The following TMPRSS9 variants were observed in gnomAD, a reference collection of about 807,000 sequenced individuals.
The protein encoded by TMPRSS9 is transmembrane protease serine 9.
TMPRSS9 carries 113 observed loss-of-function variants against 111.4 expected under a neutral mutation model. The ratio of observed to expected loss-of-function variants is 1.01; its 90% confidence interval spans 0.87 to 1.19. The LOEUF (loss-of-function observed/expected upper bound fraction) is 1.19. Ranked by LOEUF, TMPRSS9 falls within the 50% of genes most tolerant of loss-of-function variation. The probability of loss-of-function intolerance (pLI) is 0.00; values close to 1 mark genes in which losing one functional copy is unlikely to be tolerated. For synonymous variants in TMPRSS9, 805 were observed against 659.1 expected, an observed-to-expected ratio of 1.22 and a Z score of -3.39; for missense variants, 1,803 against 1,513.1, an observed-to-expected ratio of 1.19 and a Z score of -3.18.
chr19:2,417,432 C>T (rs1051489759), intron 12 of TMPRSS9, among the ~76,000 whole-genome samples: 1 of 149,634 alleles, frequency 6.7e-6, no homozygotes, highest in African/African-American at 2.5e-5. Context: ...TGCCACTGCA[C>T]TCCAGCCTGG....
chr19:2,421,275 GTTA>G (rs1314350357), intron 13 of TMPRSS9, among the ~76,000 whole-genome samples: 2 of 151,322 alleles, frequency 1.3e-5, no homozygotes, highest in Non-Finnish European at 2.9e-5. Context: ...ATTCATGGCT[GTTA>G]TTGTTGTTAT....
At chr19:2,379,175 C>CTTTTT (rs201078504) in intron 1 of TMPRSS9, among the ~76,000 whole-genome samples, 1 of 124,800 alleles carries the variant, frequency 8.0e-6, no homozygotes, top group Non-Finnish European at 1.6e-5. Flanking sequence ...GCCTGAGCTT[C>CTTTTT]TTTCTCTTTT....
At position 2,426,025 on chromosome 19, in the gene TMPRSS9, C is replaced by T. The variant is rs376895555; in HGVS notation, c.3219C>T (p.Phe1073=). The T allele has an allele frequency of 3.7e-6, 6 of 1,608,952 alleles. No homozygotes were observed. The African/African-American group carries it at 8.0e-5, about 22-fold the overall frequency. ...GCTATGGCTGTGGCCGGCCCCACTTCCCAGGTGTCTATACCCGGGTGGCAG... is the reference window on the plus strand; with the variant it reads ...GCTATGGCTGTGGCCGGCCCCACTTTCCAGGTGTCTATACCCGGGTGGCAG... The change falls in exon 18 of 18, where the codon TTC becomes TTT. Residue 1073 remains phenylalanine, a synonymous_variant. Transcript: ENST00000648592.
intron 1 of TMPRSS9, among the ~76,000 whole-genome samples, chr19:2,377,869 T>C (rs1360082378): frequency 6.8e-6 from 1 of 147,912 alleles, no homozygotes; most frequent in East Asian, 2.0e-4. Context: ...TGTGCCACTA[T>C]GCCTGGCTAA....
At chr19:2,368,183 A>G (rs886095924) in intron 1 of TMPRSS9, among the ~76,000 whole-genome samples, 1 of 152,176 alleles carries the variant, frequency 6.6e-6, no homozygotes, top group African/African-American at 2.4e-5. Context: ...GAGACTGCAC[A>G]TGGCGGCTGC....
intron 15 of TMPRSS9, 135 bp downstream of exon 16, chr19:2,424,392 G>T (rs1971546624): frequency 1.0e-6 from 1 of 1,000,080 alleles, no homozygotes; most frequent in Admixed American, 4.3e-5. Context: ...ACTGCCCCAG[G>T]CCACTCCTCC....
chr19:2,400,025 A>T (rs1200417499), intron 4 of TMPRSS9, among the ~76,000 whole-genome samples: 2 of 152,156 alleles, frequency 1.3e-5, no homozygotes, highest in African/African-American at 2.4e-5. Context: ...CCACGTGCCC[A>T]GTTAATATTT....
At position 2,362,869 on chromosome 19, in the gene TMPRSS9, GGTT is replaced by G. The variant is rs578147564; in HGVS notation, c.-26+2512_-26+2514del. ...GTGGTTGTGGTGTGTGGTTGTGTGAGGTTGTAATGTGTGGTTGTGTTTGGTTGT... is the reference window on the plus strand; with the variant it reads ...GTGGTTGTGGTGTGTGGTTGTGTGAGGTAATGTGTGGTTGTGTTTGGTTGT... On this transcript the variant is annotated intron_variant, in intron 1 of 17. Coordinates refer to the TMPRSS9 transcript ENST00000649857. 9.4e-3 allele frequency among the ~76,000 whole-genome samples: 1,433 copies of G among 151,802 alleles called. 11 individuals are homozygous for G. The highest frequency in any genetic ancestry group is 0.013 in the Non-Finnish European group (898 of 67,878).
chr19:2,400,077 C>T (rs567285837), intron 4 of TMPRSS9, among the ~76,000 whole-genome samples: 23 of 152,310 alleles, frequency 1.5e-4, no homozygotes, highest in African/African-American at 5.1e-4. Context: ...AAGCACTCAG[C>T]TCTGTTATTT....
In TMPRSS9 at chr19:2,414,497, C is replaced by T. The variant is rs371037900; in HGVS notation, c.1573+479C>T. ...TCATCATCTGCCCACCTCAGCCTCC[C>T]AAAATGCTGGGATGACAGGTGTGAG... On this transcript the variant is annotated intron_variant, in intron 10 of 17. Coordinates refer to ENST00000648592, the Ensembl canonical transcript of TMPRSS9. Among the ~76,000 whole-genome samples, 192 of 152,162 alleles carry T rather than the reference C, an allele frequency of 1.3e-3. 1 individual carries two copies. The highest frequency in any genetic ancestry group is 4.1e-3 in the African/African-American group (171 of 41,550).
intron 11 of TMPRSS9, chr19:2,416,273 G>C (rs907007002): frequency 1.4e-5 from 7 of 490,710 alleles, no homozygotes; most frequent in Middle Eastern, 1.0e-3. Flanking sequence ...TAGGGGGTTG[G>C]GGGGGGGCAT....
intron 1 of TMPRSS9, among the ~76,000 whole-genome samples, chr19:2,366,910 G>A (rs1006500784): frequency 5.3e-5 from 8 of 150,754 alleles, no homozygotes; most frequent in Admixed American, 2.0e-4. Flanking sequence ...CTGAAAGCTC[G>A]TCTGGGCCTG....
At chr19:2,415,530 C>T in intron 10 of TMPRSS9, 140 bp from the exon 12 acceptor site, 4 of 805,198 alleles carry the variant, frequency 5.0e-6, no homozygotes, top group Non-Finnish European at 7.4e-6. Context: ...CTTGAAGCCT[C>T]CACGGCTTCT....
chr19:2,388,523 C>T (rs931050801), upstream of TMPRSS9, among the ~76,000 whole-genome samples: 1 of 152,184 alleles, frequency 6.6e-6, no homozygotes, highest in Non-Finnish European at 1.5e-5. Flanking sequence ...CCCTGGAGCC[C>T]CCAGAAGGGC....
chr19:2,418,218 G>A (rs1415564432), intron 13 of TMPRSS9, 80 bp downstream of exon 14: 2 of 1,418,786 alleles, frequency 1.4e-6, no homozygotes, highest in African/African-American at 3.2e-5. Flanking sequence ...TTTGTGTGCA[G>A]ACCTAGATTT....
intron 8 of TMPRSS9, among the ~76,000 whole-genome samples, chr19:2,408,859 C>T (rs992645339): frequency 4.0e-5 from 6 of 151,454 alleles, no homozygotes; most frequent in Non-Finnish European, 8.8e-5. Flanking sequence ...CATGGTGGTG[C>T]GTGCCTATAA....
chr19:2,365,570 C>G (rs934750079), intron 1 of TMPRSS9, among the ~76,000 whole-genome samples: 1 of 150,956 alleles, frequency 6.6e-6, no homozygotes, highest in East Asian at 1.9e-4. Context: ...TGGACGTGTC[C>G]GAAAACTGTG....
chr19:2,388,762 A>G (rs1970525209), upstream of TMPRSS9, among the ~76,000 whole-genome samples: 1 of 152,034 alleles, frequency 6.6e-6, no homozygotes, highest in Non-Finnish European at 1.5e-5. Context: ...CTAGGATTAC[A>G]GGCATGAGCC....
chr19:2,399,069 A>T, exon 4 of TMPRSS9: 1 of 1,613,114 alleles, frequency 6.2e-7, no homozygotes, highest in Non-Finnish European at 8.5e-7. Flanking sequence ...TTCTGCTGCG[A>T]CCCCTCCAGA....
Sources: allele counts gnomAD v4.1 joint callset (sites outside exome capture counted in the v4.1 genomes callset), GRCh38; gene constraint gnomAD v4.1.1; transcripts MANE v1.5; gene names NCBI Gene and HGNC (gene_info 2026-07-23, HGNC 2026-07-21).